Variants in PDE2A observed in about 807,000 individuals in gnomAD.
The protein encoded by PDE2A is phosphodiesterase 2A, also known as cGMP-dependent 3',5'-cyclic phosphodiesterase.
In PDE2A, 53 loss-of-function variants were observed where a neutral mutation model predicts 133.6. The observed-to-expected ratio is 0.40, with a 90% CI of 0.32 to 0.50. The LOEUF (loss-of-function observed/expected upper bound fraction) is 0.50, where lower values mean the gene tolerates loss of function less well. Ranked by LOEUF, PDE2A falls within the 20% of genes least tolerant of loss-of-function variation. The probability of loss-of-function intolerance (pLI) is 0.73; values close to 1 mark genes in which losing one functional copy is unlikely to be tolerated. For synonymous variants in PDE2A, 491 were observed against 490.2 expected (o/e 1.00, Z -0.02); for missense variants, 796 against 1,232.4 (o/e 0.65, Z 5.30).
rs996923535 is a variant in PDE2A, at chr11:72,586,195, T to G, written c.1071-14A>C. 2 of 1,491,470 alleles carry G rather than the reference T, an allele frequency of 1.3e-6. No homozygotes were observed. The highest frequency in any genetic ancestry group is 2.8e-5 in the African/African-American group (2 of 72,122). The allele number at this position is 1,491,470 out of a possible 1,614,324, so 92.4% of individuals were successfully genotyped here. A position where few individuals can be genotyped will look rare whatever the true frequency, so the allele number is the denominator to read the frequency against. The stretch of plus-strand genomic sequence containing the variant: ...TCGTCGGTGAACCTGGAGGAGGGGG[T>G]GGGCTCACTCAGGAGGGAAGGGAAG... On this transcript the variant is annotated splice_polypyrimidine_tract_variant and intron_variant, in intron 13 of 30. Transcript: ENST00000334456.
Position 72,597,696 on chromosome 11 carries a change from A to T in PDE2A, c.324-77T>A, listed in dbSNP as rs1856551206. On this transcript the variant is annotated intron_variant, in intron 4 of 30. Transcript: ENST00000334456. The surrounding 1 kb of genome is among the most constrained non-coding windows in gnomAD (Gnocchi z 4.6). ...GAGGCCTGGCCTGGGAACACAGGACAGTTTGGACCCTGCACATGTGCAAGG... is the reference window on the plus strand; with the variant it reads ...GAGGCCTGGCCTGGGAACACAGGACTGTTTGGACCCTGCACATGTGCAAGG... 5.3e-6 allele frequency: 5 copies of T among 943,686 alleles called. No homozygotes were observed. The highest frequency in any genetic ancestry group is 8.3e-6 in the Non-Finnish European group (5 of 600,490). 58.5% of individuals were successfully genotyped at this position (943,686 alleles called of 1,614,324 possible).
intron 2 of PDE2A, among the ~76,000 whole-genome samples, chr11:72,636,692 T>C (rs1402692338): frequency 6.6e-6 from 1 of 152,092 alleles, no homozygotes. Context: ...TCTACAGCTG[T>C]CCAGCTCCCT....
At position 72,674,412 on chromosome 11, in the gene PDE2A, C is replaced by T. The variant is rs1356702115; in HGVS notation, c.-205G>A. On this transcript the variant is annotated 5_prime_UTR_variant, in exon 1 of 31. Transcript: ENST00000334456. ...TCCCGCTGCCACTGCCTCTGCTGCT[C>T]GGCTGGCTCTGGGAGGAGGTTGGAG... 2.5e-5 allele frequency: 14 copies of T among 569,064 alleles called. No homozygotes were observed. Among genetic ancestry groups the T allele is most frequent in the Admixed American group, 9.3e-5 (3 of 32,410 alleles). 35.3% of individuals were successfully genotyped at this position (569,064 alleles called of 1,614,324 possible).
intron 2 of PDE2A, among the ~76,000 whole-genome samples, chr11:72,641,315 C>A (rs1329007591): frequency 1.3e-5 from 2 of 152,220 alleles, no homozygotes; most frequent in Non-Finnish European, 2.9e-5. Context: ...CCACACCATG[C>A]CATGCCTGAG....
intron 23 of PDE2A, 48 bp downstream of exon 23, chr11:72,581,309 G>GA (rs57803658): frequency 1 from 1,587,264 of 1,591,604 alleles, 791,545 homozygotes; most frequent in East Asian, 1. Flanking sequence ...CTGTCCCAGG[G>GA]AGGGGACCCC....
intron 13 of PDE2A, 120 bp from the exon 14 acceptor site, chr11:72,586,301 T>G: frequency 1.5e-6 from 1 of 670,886 alleles, no homozygotes; most frequent in Non-Finnish European, 2.7e-6. Context: ...ATATAACCAC[T>G]GCACAGGCCC....
At chr11:72,595,861 A>G (rs1033644506) in intron 6 of PDE2A, among the ~76,000 whole-genome samples, 1 of 151,992 alleles carries the variant, frequency 6.6e-6, no homozygotes, top group Non-Finnish European at 1.5e-5. Flanking sequence ...CACTTCCACA[A>G]TCCCCTCCAC....
chr11:72,585,257 G>A, intron 16 of PDE2A, 114 bp downstream of exon 16: 1 of 864,700 alleles, frequency 1.2e-6, no homozygotes, highest in South Asian at 1.4e-5. Context: ...CCCTCAAAAG[G>A]TGATGAAGTC....
Position 72,590,740 on chromosome 11 carries a change from G to A in PDE2A, c.550-160C>T, listed in dbSNP as rs942196093. Among the ~76,000 whole-genome samples, 2 of 152,138 alleles carry A rather than the reference G, an allele frequency of 1.3e-5. No homozygotes were observed. The highest frequency in any genetic ancestry group is 4.8e-5 in the African/African-American group (2 of 41,440). ...CATCCCTGGACTCTACCTTCCTGAG[G>A]GCTCCCCCGGGGGCTCCCACAGCCC... On this transcript the variant is annotated intron_variant, in intron 7 of 30. Coordinates refer to ENST00000334456, the MANE Select transcript of PDE2A (RefSeq NM_002599.5). This position sits in a 1 kb window ranked among gnomAD's most constrained non-coding sequence, Gnocchi z 4.8.
intron 2 of PDE2A, among the ~76,000 whole-genome samples, chr11:72,630,835 T>A (rs1858339858): frequency 6.7e-6 from 1 of 150,084 alleles, no homozygotes; most frequent in South Asian, 2.1e-4. Context: ...AAGGGAGGAG[T>A]CTGTAGTGAC....
Position 72,580,985 on chromosome 11 carries a change from G to A in PDE2A, c.2046-12C>T, listed in dbSNP as rs767076988. The A allele has an allele frequency of 6.3e-7, 1 of 1,586,502 alleles. No homozygotes were observed. The highest frequency in any genetic ancestry group is 2.2e-5 in the East Asian group (1 of 44,762). On this transcript the variant is annotated splice_polypyrimidine_tract_variant and intron_variant, in intron 23 of 30. Coordinates refer to ENST00000334456, the MANE Select transcript of PDE2A (RefSeq NM_002599.5). ...AGATCTCGATGTCCCTGGTTGAGAGGCAGAAAGGAGAAAAAAAAGAGGTCA... is the reference window on the plus strand; with the variant it reads ...AGATCTCGATGTCCCTGGTTGAGAGACAGAAAGGAGAAAAAAAAGAGGTCA...
chr11:72,657,898 A>G (rs1339292829), intron 1 of PDE2A: 5 of 456,076 alleles, frequency 1.1e-5, no homozygotes, highest in Non-Finnish European at 2.2e-5. Flanking sequence ...AGTGAAGGCC[A>G]TGATGGGAGC....
At position 72,615,393 on chromosome 11, in the gene PDE2A, G is replaced by C. The variant is rs112362235; in HGVS notation, c.145-6642C>G. ...GGAAAGAGCAGGAGAAGGCAGGCAAGAGTTGCCTGCACGATCAGTTCCCTG... is the reference window on the plus strand; with the variant it reads ...GGAAAGAGCAGGAGAAGGCAGGCAACAGTTGCCTGCACGATCAGTTCCCTG... On this transcript the variant is annotated intron_variant, in intron 2 of 30. Coordinates refer to ENST00000334456, the MANE Select transcript of PDE2A (RefSeq NM_002599.5). Among the ~76,000 whole-genome samples, 196 of 152,278 alleles carry C rather than the reference G, an allele frequency of 1.3e-3. 2 individuals are homozygous for C. Among genetic ancestry groups the C allele is most frequent in the African/African-American group, 3.4e-3 (143 of 41,552 alleles).
rs392565 is a variant in PDE2A at position 72,579,585 on chromosome 11, G to A, written c.2205C>T (p.Ile735=). ...TGCAGCCGTGGGTGTTGAGGATGGC[G>A]ATGGCCTGAGCAAAGTGGTGCCTCT... ...VMERHHFAQA[I]AILNTHGCNI... Residue 735 remains isoleucine, a synonymous_variant, in exon 26 of 31, where the codon ATC becomes ATT. Transcript: ENST00000334456. The A allele has an allele frequency of 0.3, 478,740 of 1,609,586 alleles. 72,240 individuals carry two copies. The highest frequency in any genetic ancestry group is 0.35 in the South Asian group (32,177 of 90,670).
At chr11:72,622,643 G>C (rs1228576668) in intron 2 of PDE2A, among the ~76,000 whole-genome samples, 1 of 152,196 alleles carries the variant, frequency 6.6e-6, no homozygotes, top group Non-Finnish European at 1.5e-5. Flanking sequence ...ATCTAGAGTA[G>C]TCCAAGTCAT....
At chr11:72,640,765 T>C (rs1317995844) in intron 2 of PDE2A, among the ~76,000 whole-genome samples, 1 of 152,058 alleles carries the variant, frequency 6.6e-6, no homozygotes, top group Non-Finnish European at 1.5e-5. Flanking sequence ...TATAGAATCC[T>C]GTATGCAAGC....
intron 2 of PDE2A, among the ~76,000 whole-genome samples, chr11:72,609,966 T>C (rs1420876599): frequency 6.6e-6 from 1 of 151,946 alleles, no homozygotes; most frequent in Non-Finnish European, 1.5e-5. Flanking sequence ...GTTAACCCAA[T>C]TGGGAAGATG....
intron 25 of PDE2A, 134 bp from the exon 26 acceptor site, chr11:72,579,742 G>A (rs1855635581): frequency 1.6e-6 from 1 of 642,692 alleles, no homozygotes; most frequent in South Asian, 1.9e-5. Flanking sequence ...GGGGAGTCAG[G>A]GGCCCCAGTT....
intron 1 of PDE2A, among the ~76,000 whole-genome samples, chr11:72,652,919 C>T (rs1264097469): frequency 6.6e-6 from 1 of 152,238 alleles, no homozygotes; most frequent in Non-Finnish European, 1.5e-5. Flanking sequence ...AGACCACAGT[C>T]CCCTCCTCTC....
Sources: gnomAD v4.1 joint callset for allele counts (sites outside exome capture counted in the v4.1 genomes callset) on GRCh38, gnomAD v4.1.1 for gene constraint, Gnocchi (gnomAD v3.1) non-coding constraint, MANE v1.5 for transcripts, NCBI Gene and HGNC (gene_info 2026-07-23, HGNC 2026-07-21) for gene names.